Variants in PARG observed in about 807,000 individuals in gnomAD.
PARG encodes mitochondrial poly(ADP-ribose) glycohydrolase.
In PARG, 35 loss-of-function variants were observed where a neutral mutation model predicts 113.0. The observed-to-expected ratio is 0.31, with a 90% CI of 0.24 to 0.41. The LOEUF is 0.41. PARG is among the 10% of genes least tolerant of loss of function. The pLI is 1.00. For synonymous variants in PARG, 330 were observed against 409.9 expected, an observed-to-expected ratio of 0.81 and a Z score of 2.36; for missense variants, 797 against 1,169.4, an observed-to-expected ratio of 0.68 and a Z score of 4.64.
rs1158318708 is a variant in PARG at position 49,896,537 on chromosome 10, G to A, written c.1738-11242C>T. Among the ~76,000 whole-genome samples the A allele has an allele frequency of 2.6e-5, 4 of 152,086 alleles. No homozygotes were observed. The East Asian group carries it at 7.7e-4, about 29-fold the overall frequency. On this transcript the variant is annotated intron_variant, in intron 7 of 17. Transcript: ENST00000616448. ...TAACCTCAGGTGATCCACCCGCCTT[G>A]GCCTCCCAGAGTGTTAGGATTACAG...
At chr10:49,832,562 C>T (rs1844724216) in intron 16 of PARG, among the ~76,000 whole-genome samples, 1 of 152,174 alleles carries the variant, frequency 6.6e-6, no homozygotes, top group Non-Finnish European at 1.5e-5. Context: ...GCCAATCTTT[C>T]AATACTCAAC....
intron 7 of PARG, among the ~76,000 whole-genome samples, chr10:49,904,684 C>G (rs1209433722): frequency 1.3e-4 from 20 of 151,648 alleles, no homozygotes; most frequent in Non-Finnish European, 2.8e-4. Flanking sequence ...GGAGGCCCAA[C>G]GTGGGCGGAT....
intron 13 of PARG, among the ~76,000 whole-genome samples, chr10:49,844,136 T>C (rs914263357): frequency 6.7e-6 from 1 of 149,188 alleles, no homozygotes; most frequent in Non-Finnish European, 1.5e-5. Context: ...CAGAGCGAGA[T>C]TCAGTCTCAA....
chr10:49,848,078 G>T (rs1356112491), intron 13 of PARG, among the ~76,000 whole-genome samples: 1 of 152,038 alleles, frequency 6.6e-6, no homozygotes, highest in Non-Finnish European at 1.5e-5. Context: ...AGGCCAGGCG[G>T]GGTGGCTCAT....
chr10:49,845,744 A>G (rs1383852716), intron 13 of PARG, among the ~76,000 whole-genome samples: 1 of 151,052 alleles, frequency 6.6e-6, no homozygotes, highest in African/African-American at 2.4e-5. Context: ...TAAAAATACA[A>G]AAATTAGCTG....
chr10:49,823,880 T>A (rs1303794636), intron 16 of PARG, among the ~76,000 whole-genome samples: 1 of 152,076 alleles, frequency 6.6e-6, no homozygotes, highest in Non-Finnish European at 1.5e-5. Flanking sequence ...TAAGAGAAAA[T>A]CAAAAAGTAA....
intron 7 of PARG, among the ~76,000 whole-genome samples, chr10:49,914,454 A>G (rs1477747094): frequency 1.3e-5 from 2 of 152,218 alleles, no homozygotes; most frequent in Non-Finnish European, 1.5e-5. Flanking sequence ...CTGCCTTGTA[A>G]AAGCCATATG....
intron 15 of PARG, among the ~76,000 whole-genome samples, chr10:49,835,789 T>C (rs1844888684): frequency 6.6e-6 from 1 of 151,992 alleles, no homozygotes; most frequent in African/African-American, 2.4e-5. Flanking sequence ...ATATCAATTT[T>C]AGAAGGCCCA....
At position 49,879,800 on chromosome 10, in the gene PARG, G is replaced by A. The variant is rs782018140; in HGVS notation, c.1861C>T (p.His621Tyr). 349 of 1,166,956 alleles carry A rather than the reference G, an allele frequency of 3.0e-4. No individual in the cohort carries two copies. Among genetic ancestry groups the A allele is most frequent in the Middle Eastern group, 5.5e-4 (2 of 3,624 alleles). The allele number at this position is 1,166,956 out of a possible 1,614,324, so 72.3% of individuals were successfully genotyped here. A position where few individuals can be genotyped will look rare whatever the true frequency, so the allele number is the denominator to read the frequency against. Reference sequence around the variant, plus strand: ...TGTTCCTGCGACATTGTGATGGAATGATTCATCTTCTGTTTCAGGAGTGGT... The same window carrying A: ...TGTTCCTGCGACATTGTGATGGAATAATTCATCTTCTGTTTCAGGAGTGGT... ...PIPLLKQKMN[H>Y]SITMSQEQIA... is the part of the protein sequence containing the mutation. Residue 621 changes from histidine to tyrosine, a missense_variant, in exon 9 of 18, where the codon CAT becomes TAT. By Grantham distance (83) the His-to-Tyr change is moderately conservative. Transcript: ENST00000616448.
intron 7 of PARG, among the ~76,000 whole-genome samples, chr10:49,900,182 AG>A (rs1184317760): frequency 5.3e-5 from 8 of 151,280 alleles, no homozygotes; most frequent in Middle Eastern, 3.2e-3. Flanking sequence ...TGCAGGACGA[AG>A]GAGGAGGAAT....
chr10:49,896,185 T>C (rs1299491202), intron 7 of PARG, among the ~76,000 whole-genome samples: 3 of 152,238 alleles, frequency 2.0e-5, no homozygotes, highest in Non-Finnish European at 2.9e-5. Flanking sequence ...GGGAAGAGTA[T>C]TTCATATTTC....
intron 6 of PARG, among the ~76,000 whole-genome samples, chr10:49,916,620 T>C (rs1320756202): frequency 6.6e-6 from 1 of 152,138 alleles, no homozygotes; most frequent in Non-Finnish European, 1.5e-5. Flanking sequence ...TGCCATCTAC[T>C]GGTGTAGCTT....
At chr10:49,922,114 C>T (rs1246366622) in intron 6 of PARG, among the ~76,000 whole-genome samples, 2 of 152,146 alleles carry the variant, frequency 1.3e-5, no homozygotes, top group Non-Finnish European at 2.9e-5. Context: ...AGGTATTATT[C>T]CTGGTTCTCC....
chr10:49,915,465 A>G (rs1554847335), intron 7 of PARG, among the ~76,000 whole-genome samples: 1 of 152,116 alleles, frequency 6.6e-6, no homozygotes, highest in Non-Finnish European at 1.5e-5. Flanking sequence ...AAAAGTTTTT[A>G]AAAGATTTTT....
rs71026274 is a variant in PARG at position 49,828,092 on chromosome 10, C to CAAAAAAAAAAAAAAAAAAAAAAAA, written c.2647+4687_2647+4710dup. 9.9e-5 allele frequency among the ~76,000 whole-genome samples: 5 copies of CAAAAAAAAAAAAAAAAAAAAAAAA among 50,410 alleles called. 2 individuals are homozygous for CAAAAAAAAAAAAAAAAAAAAAAAA. The highest frequency in any genetic ancestry group is 1.7e-4 in the Non-Finnish European group (5 of 28,590). The allele number at this position is 50,410 out of a possible 152,430, so 33.1% of individuals were successfully genotyped here. On this transcript the variant is annotated intron_variant, in intron 16 of 17. Coordinates refer to ENST00000616448, the MANE Select transcript of PARG (RefSeq NM_003631.5). ...TGAGACGAGATGTAGAAAGCTTAAA[C>CAAAAAAAAAAAAAAAAAAAAAAAA]AAAAAAAAAAAAAAAAAAAAAAAAA...
intron 13 of PARG, among the ~76,000 whole-genome samples, chr10:49,852,573 T>TC (rs1421698246): frequency 6.8e-6 from 1 of 147,132 alleles, no homozygotes; most frequent in Non-Finnish European, 1.5e-5. Flanking sequence ...CTTCTTTTTT[T>TC]CTTTTTTTTG....
chr10:49,877,366 C>T (rs1168315901), intron 9 of PARG, among the ~76,000 whole-genome samples: 2 of 151,880 alleles, frequency 1.3e-5, no homozygotes, highest in African/African-American at 4.8e-5. Flanking sequence ...GAATTCATTT[C>T]TCTGCTGCCA....
At chr10:49,863,015 T>C (rs1159590372) in intron 11 of PARG, among the ~76,000 whole-genome samples, 1 of 151,204 alleles carries the variant, frequency 6.6e-6, no homozygotes, top group African/African-American at 2.4e-5. Context: ...CTAGAAACTT[T>C]ATAGTATAGC....
At chr10:49,821,576 C>T (rs1336295531) in intron 16 of PARG, among the ~76,000 whole-genome samples, 2 of 152,092 alleles carry the variant, frequency 1.3e-5, no homozygotes, top group African/African-American at 4.8e-5. Flanking sequence ...GACACGGTTT[C>T]ACCATGTTGG....
Sources: gnomAD v4.1 joint callset for allele counts (sites outside exome capture counted in the v4.1 genomes callset) on GRCh38, gnomAD v4.1.1 for gene constraint, MANE v1.5 for transcripts, NCBI Gene and HGNC (gene_info 2026-07-23, HGNC 2026-07-21) for gene names.